The following ASTN2 variants were observed in gnomAD, a reference collection of about 807,000 sequenced individuals.
The protein encoded by ASTN2 is astrotactin 2.
ASTN2 carries 54 observed loss-of-function variants against 139.8 expected under a neutral mutation model. That is an observed-to-expected ratio of 0.39 (90% CI 0.31 to 0.48). The LOEUF is 0.48. ASTN2 is among the 20% of genes least tolerant of loss of function. The pLI, the probability that ASTN2 is intolerant of heterozygous loss-of-function variation, is 0.95. For missense variants in ASTN2, 1,565 were observed against 1,725.1 expected (o/e 0.91, Z 1.64); for synonymous variants, 756 against 719.5 (o/e 1.05, Z -0.81).
intron 16 of ASTN2, among the ~76,000 whole-genome samples, chr9:116,692,284 A>G (rs899739882): frequency 3.9e-5 from 6 of 152,142 alleles, no homozygotes; most frequent in Non-Finnish European, 8.8e-5. Flanking sequence ...GAGGGCTTAG[A>G]ATTTTTATTA....
At chr9:116,689,869 A>G (rs1860476709) in intron 16 of ASTN2, among the ~76,000 whole-genome samples, 1 of 152,110 alleles carries the variant, frequency 6.6e-6, no homozygotes, top group Non-Finnish European at 1.5e-5. Context: ...TATGGAGGCC[A>G]TTGGCTTGAA....
intron 19 of ASTN2, chr9:116,612,906 A>AC (rs1855624220): frequency 2.0e-5 from 3 of 151,388 alleles, no homozygotes; most frequent in Non-Finnish European, 2.9e-5. Context: ...AAAAAAAAAA[A>AC]CCCTTCAAAA....
chr9:117,043,077 G>T (rs758324533), intron 5 of ASTN2, among the ~76,000 whole-genome samples: 2 of 152,030 alleles, frequency 1.3e-5, no homozygotes, highest in African/African-American at 4.8e-5. Context: ...CACCATGTTG[G>T]CCAGGCTGGT....
intron 10 of ASTN2, among the ~76,000 whole-genome samples, chr9:116,913,272 C>A (rs1369769052): frequency 6.6e-6 from 1 of 152,190 alleles, no homozygotes; most frequent in African/African-American, 2.4e-5. Flanking sequence ...AGAACACACT[C>A]CTTTTACTTT....
chr9:117,173,330 C>CA (rs898020538), intron 3 of ASTN2, among the ~76,000 whole-genome samples: 10 of 151,792 alleles, frequency 6.6e-5, no homozygotes, highest in African/African-American at 2.2e-4. Context: ...ACCGTAACTA[C>CA]AAAAAAATCA....
intron 1 of ASTN2, among the ~76,000 whole-genome samples, chr9:117,312,377 G>A (rs575958575): frequency 3.0e-4 from 45 of 152,128 alleles, no homozygotes; most frequent in Non-Finnish European, 5.9e-4. Context: ...TCTTTAACAA[G>A]CCAGAGAAAG....
chr9:116,482,311 G>A (rs1849195441), intron 20 of ASTN2, among the ~76,000 whole-genome samples: 1 of 152,074 alleles, frequency 6.6e-6, no homozygotes, highest in Non-Finnish European at 1.5e-5. Flanking sequence ...GGGTGACAGA[G>A]CAAGACTCCG....
At chr9:116,466,694 G>A (rs1039408551) in intron 20 of ASTN2, among the ~76,000 whole-genome samples, 6 of 152,118 alleles carry the variant, frequency 3.9e-5, no homozygotes, top group African/African-American at 7.2e-5. Flanking sequence ...GTGTTAATAG[G>A]GAGGATGTCA....
intron 19 of ASTN2, among the ~76,000 whole-genome samples, chr9:116,496,594 G>A (rs1405638536): frequency 6.6e-6 from 1 of 152,186 alleles, no homozygotes; most frequent in Non-Finnish European, 1.5e-5. Flanking sequence ...GCTGGAAGTC[G>A]GGGAGATGGG....
chr9:116,781,466 C>A (rs950952189), intron 13 of ASTN2, among the ~76,000 whole-genome samples: 5 of 152,022 alleles, frequency 3.3e-5, no homozygotes, highest in African/African-American at 1.2e-4. Context: ...ACCTGGGGGG[C>A]AAATGTCACA....
chr9:116,636,080 A>G (rs1404226020), intron 17 of ASTN2, among the ~76,000 whole-genome samples: 1 of 152,222 alleles, frequency 6.6e-6, no homozygotes, highest in Non-Finnish European at 1.5e-5. Flanking sequence ...TATTCTTTGC[A>G]TGCTGAGACC....
At chr9:117,096,308 C>T (rs879943494) in intron 4 of ASTN2, among the ~76,000 whole-genome samples, 157 bp from the exon 5 acceptor site, 1 of 152,208 alleles carries the variant, frequency 6.6e-6, no homozygotes, top group Non-Finnish European at 1.5e-5. Context: ...GGAGTTCATG[C>T]TCTGCAGTGA....
At chr9:116,580,105 C>A (rs532365400) in intron 19 of ASTN2, among the ~76,000 whole-genome samples, 2 of 152,188 alleles carry the variant, frequency 1.3e-5, no homozygotes. Flanking sequence ...CAGGCGTGAG[C>A]CCCCGCACCC....
At chr9:116,775,086 C>T (rs1251767257) in intron 13 of ASTN2, among the ~76,000 whole-genome samples, 1 of 151,978 alleles carries the variant, frequency 6.6e-6, no homozygotes, top group Non-Finnish European at 1.5e-5. Context: ...TTCAGGGACA[C>T]ATAATAAAAG....
At chr9:116,751,263 G>A (rs1005950269) in intron 13 of ASTN2, among the ~76,000 whole-genome samples, 2 of 152,192 alleles carry the variant, frequency 1.3e-5, no homozygotes, top group African/African-American at 4.8e-5. Context: ...GTGGTAAAAG[G>A]AACAATAACT....
At chr9:116,661,758 T>C (rs1295483721) in intron 16 of ASTN2, among the ~76,000 whole-genome samples, 2 of 151,986 alleles carry the variant, frequency 1.3e-5, no homozygotes, top group African/African-American at 4.8e-5. Flanking sequence ...TTTGTATAGT[T>C]ACACAAGTTG....
intron 4 of ASTN2, among the ~76,000 whole-genome samples, chr9:117,110,433 G>T (rs997632598): frequency 1.3e-5 from 2 of 152,128 alleles, no homozygotes; most frequent in African/African-American, 4.8e-5. Context: ...GGTTAATGAT[G>T]TTAGAATATT....
intron 3 of ASTN2, among the ~76,000 whole-genome samples, chr9:117,191,280 A>C (rs2132968586): frequency 6.6e-6 from 1 of 152,042 alleles, no homozygotes; most frequent in Admixed American, 6.5e-5. Flanking sequence ...TACATTATGA[A>C]GCAGTCATGA....
chr9:117,412,574 G>T (rs183388337), intron 1 of ASTN2, among the ~76,000 whole-genome samples: 38 of 152,300 alleles, frequency 2.5e-4, no homozygotes, highest in Admixed American at 1.2e-3. Context: ...GATGGTTGGA[G>T]CAGGTCCTCC....
Sources: gnomAD v4.1 joint callset for allele counts (sites outside exome capture counted in the v4.1 genomes callset) on GRCh38, gnomAD v4.1.1 for gene constraint, MANE v1.5 for transcripts, NCBI Gene and HGNC (gene_info 2026-07-23, HGNC 2026-07-21) for gene names.